ARMH3: variants seen among roughly 807,000 people sequenced by gnomAD.
ARMH3 encodes the protein armadillo like helical domain containing 3.
A neutral mutation model predicts 99.1 loss-of-function variants in ARMH3; 60 were observed. That is an observed-to-expected ratio of 0.61 (90% CI 0.49 to 0.75). The LOEUF (loss-of-function observed/expected upper bound fraction) is 0.75, where lower values mean the gene tolerates loss of function less well. Ranked by LOEUF, ARMH3 falls within the 30% of genes least tolerant of loss-of-function variation. The pLI is 0.00. For synonymous variants in ARMH3, 285 were observed against 292.8 expected, an observed-to-expected ratio of 0.97 and a Z score of 0.27; for missense variants, 679 against 843.1, an observed-to-expected ratio of 0.81 and a Z score of 2.41.
At chr10:102,017,047 T>C (rs1187180173) in intron 8 of ARMH3, among the ~76,000 whole-genome samples, 1 of 152,202 alleles carries the variant, frequency 6.6e-6, no homozygotes, top group East Asian at 1.9e-4. Flanking sequence ...ACCCAACCTC[T>C]CTGTGCCTCG....
At chr10:101,857,599 T>G (rs560132302) in intron 24 of ARMH3, among the ~76,000 whole-genome samples, 2 of 152,254 alleles carry the variant, frequency 1.3e-5, no homozygotes, top group East Asian at 3.9e-4. Flanking sequence ...AGAAATAATA[T>G]CACAACTCAA....
chr10:102,007,759 G>A (rs2066534866), intron 13 of ARMH3, among the ~76,000 whole-genome samples: 1 of 150,158 alleles, frequency 6.7e-6, no homozygotes, highest in African/African-American at 2.5e-5. Context: ...CGTGAACCCG[G>A]GAGGCAGAGC....
chr10:102,022,848 G>A (rs997066300), intron 8 of ARMH3, among the ~76,000 whole-genome samples: 11 of 150,782 alleles, frequency 7.3e-5, no homozygotes, highest in African/African-American at 2.7e-4. Context: ...CCAAAGTGCT[G>A]GGATTACAGG....
At chr10:102,004,160 G>A (rs1174209316) in intron 14 of ARMH3, among the ~76,000 whole-genome samples, 1 of 152,202 alleles carries the variant, frequency 6.6e-6, no homozygotes, top group African/African-American at 2.4e-5. Flanking sequence ...TCTGAGCTGA[G>A]AACAAATGTT....
chr10:101,919,698 T>C (rs775976502), intron 23 of ARMH3, among the ~76,000 whole-genome samples: 12 of 152,200 alleles, frequency 7.9e-5, no homozygotes, highest in African/African-American at 1.2e-4. Context: ...GGGAGAGTTG[T>C]GCTTTTCACA....
intron 23 of ARMH3, among the ~76,000 whole-genome samples, chr10:101,904,201 A>T (rs1382519554): frequency 6.6e-6 from 1 of 152,206 alleles, no homozygotes. Context: ...AATAATATAC[A>T]TTTGGGAAGG....
chr10:101,995,273 T>C (rs779200631), intron 16 of ARMH3, 24 bp downstream of exon 16: 1 of 1,604,318 alleles, frequency 6.2e-7, no homozygotes, highest in South Asian at 1.1e-5. Context: ...GACTGCCTAA[T>C]AGCAGAAGGC....
chr10:102,003,554 C>A (rs2066416840), intron 14 of ARMH3, among the ~76,000 whole-genome samples: 2 of 152,256 alleles, frequency 1.3e-5, no homozygotes, highest in Middle Eastern at 3.4e-3. Flanking sequence ...GCCTAAGACA[C>A]AATATATAAG....
chr10:101,865,075 G>A (rs1332816088), intron 24 of ARMH3, among the ~76,000 whole-genome samples: 1 of 151,826 alleles, frequency 6.6e-6, no homozygotes, highest in African/African-American at 2.4e-5. Context: ...AATTAGCCAG[G>A]CATGGTGGTG....
chr10:101,960,701 C>G (rs537457173), intron 20 of ARMH3, among the ~76,000 whole-genome samples: 24 of 151,816 alleles, frequency 1.6e-4, no homozygotes, highest in Non-Finnish European at 1.2e-4. Context: ...CCAGCCCGGC[C>G]AAGATGGTGA....
intron 1 of ARMH3, among the ~76,000 whole-genome samples, chr10:102,051,472 C>CG (rs1227270749): frequency 7.0e-6 from 1 of 143,814 alleles, no homozygotes; most frequent in Non-Finnish European, 1.5e-5. Context: ...GACTCCATTT[C>CG]GGAAAAAAAA....
intron 5 of ARMH3, among the ~76,000 whole-genome samples, chr10:102,027,393 A>G (rs1564862711): frequency 6.6e-6 from 1 of 152,008 alleles, no homozygotes; most frequent in African/African-American, 2.4e-5. Context: ...ATATGAACTG[A>G]GGTAAAATTA....
chr10:102,015,035 C>T (rs925734822), intron 8 of ARMH3, among the ~76,000 whole-genome samples: 2 of 152,172 alleles, frequency 1.3e-5, no homozygotes, highest in Non-Finnish European at 1.5e-5. Flanking sequence ...GGGCATCTTT[C>T]GCACGTCAAC....
chr10:102,036,444 G>A (rs2067274013), intron 2 of ARMH3, among the ~76,000 whole-genome samples: 1 of 152,224 alleles, frequency 6.6e-6, no homozygotes, highest in Non-Finnish European at 1.5e-5. Context: ...AGGGGGAAAG[G>A]TGGGGAAAAG....
intron 19 of ARMH3, among the ~76,000 whole-genome samples, chr10:101,982,264 T>A (rs1326467741): frequency 4.6e-5 from 7 of 151,084 alleles, no homozygotes; most frequent in Non-Finnish European, 1.0e-4. Context: ...TGCAGGCCTG[T>A]AATCCCAACT....
At chr10:101,984,968 T>C (rs745383138) in intron 19 of ARMH3, among the ~76,000 whole-genome samples, 35 of 150,618 alleles carry the variant, frequency 2.3e-4, no homozygotes, top group East Asian at 1.8e-3. Context: ...ACTTGGGAGG[T>C]TGAGGCAGAG....
chr10:101,954,741 C>T (rs1590078576), intron 22 of ARMH3, among the ~76,000 whole-genome samples: 1 of 152,100 alleles, frequency 6.6e-6, no homozygotes, highest in Non-Finnish European at 1.5e-5. Flanking sequence ...TAAGTTTATA[C>T]TTTATATAAA....
At chr10:101,890,643 G>C (rs1049002461) in intron 23 of ARMH3, among the ~76,000 whole-genome samples, 1 of 152,190 alleles carries the variant, frequency 6.6e-6, no homozygotes, top group African/African-American at 2.4e-5. Context: ...GCTAGATTTA[G>C]TGATTTATTG....
chr10:102,040,257 G>A (rs1227275727), intron 1 of ARMH3, 132 bp from the exon 2 acceptor site: 1 of 733,436 alleles, frequency 1.4e-6, no homozygotes, highest in Non-Finnish European at 2.3e-6. Flanking sequence ...TGTAAACTGT[G>A]GACTTTGGGT....
Sources: gnomAD v4.1 joint callset for allele counts (sites outside exome capture counted in the v4.1 genomes callset) on GRCh38, gnomAD v4.1.1 for gene constraint, MANE v1.5 for transcripts, NCBI Gene and HGNC (gene_info 2026-07-23, HGNC 2026-07-21) for gene names.